The following SGCZ variants were observed in gnomAD, a reference collection of about 807,000 sequenced individuals.
The protein encoded by SGCZ is zeta-sarcoglycan.
In SGCZ, 40 loss-of-function variants were observed where a neutral mutation model predicts 41.3. That is an observed-to-expected ratio of 0.97 (90% CI 0.75 to 1.26). SGCZ has a LOEUF of 1.26. SGCZ is among the 50% of genes most tolerant of loss of function. SGCZ has a pLI of 0.00. For missense variants in SGCZ, 552 were observed against 369.8 expected, an observed-to-expected ratio of 1.49 and a Z score of -4.04; for synonymous variants, 206 against 137.5, an observed-to-expected ratio of 1.50 and a Z score of -3.49.
chr8:14,312,758 A>G (rs546818618), intron 3 of SGCZ, among the ~76,000 whole-genome samples: 9 of 152,284 alleles, frequency 5.9e-5, no homozygotes, highest in Non-Finnish European at 1.3e-4. Flanking sequence ...TAAAATTCCT[A>G]TCCACTGGAG....
At chr8:14,895,060 G>A (rs908947174) in intron 1 of SGCZ, among the ~76,000 whole-genome samples, 1 of 152,152 alleles carries the variant, frequency 6.6e-6, no homozygotes, top group Non-Finnish European at 1.5e-5. Flanking sequence ...GGAATAACAT[G>A]AATGATCTAT....
chr8:14,596,321 G>C (rs1219081992), intron 1 of SGCZ, among the ~76,000 whole-genome samples: 1 of 152,120 alleles, frequency 6.6e-6, no homozygotes, highest in Non-Finnish European at 1.5e-5. Flanking sequence ...TAATACCATA[G>C]ATGATGTCTC....
intron 1 of SGCZ, among the ~76,000 whole-genome samples, chr8:15,147,539 A>G (rs1395774783): frequency 6.6e-6 from 1 of 152,216 alleles, no homozygotes; most frequent in Non-Finnish European, 1.5e-5. Flanking sequence ...CGGCCCCACA[A>G]AGTGCTGGGA....
At chr8:14,403,895 A>G (rs754810380) in intron 2 of SGCZ, among the ~76,000 whole-genome samples, 7 of 152,200 alleles carry the variant, frequency 4.6e-5, no homozygotes, top group Non-Finnish European at 8.8e-5. Context: ...AATCAGTCAT[A>G]GACAAGAAAG....
chr8:14,234,520 A>T (rs1041859360), intron 4 of SGCZ, among the ~76,000 whole-genome samples: 1 of 152,094 alleles, frequency 6.6e-6, no homozygotes, highest in East Asian at 1.9e-4. Context: ...GATGCATTCT[A>T]TTGGTAGACA....
intron 2 of SGCZ, among the ~76,000 whole-genome samples, chr8:14,401,555 G>A (rs892903977): frequency 4.2e-4 from 63 of 149,402 alleles, no homozygotes; most frequent in African/African-American, 1.4e-3. Flanking sequence ...TTTTGTTCTT[G>A]CGATAGTTTA....
At chr8:14,732,994 G>A (rs1180402377) in intron 1 of SGCZ, among the ~76,000 whole-genome samples, 1 of 151,830 alleles carries the variant, frequency 6.6e-6, no homozygotes, top group Admixed American at 6.6e-5. Context: ...TTAACCTCGT[G>A]TTTCTGATGC....
chr8:14,946,004 CCATATATATA>C lies in SGCZ; in HGVS notation c.39+291571_39+291580del, dbSNP rs1419961668. On this transcript the variant is annotated intron_variant, in intron 1 of 7. Transcript: ENST00000382080. ...AAGCCAATTCCCCTACTAAATGTCC[CCATATATATA>C]TATATATATATATATATATATATAT... Among the ~76,000 whole-genome samples, 8 of 45,760 alleles carry C rather than the reference CCATATATATA, an allele frequency of 1.7e-4. 1 individual carries two copies. The highest frequency in any genetic ancestry group is 7.2e-4 in the Admixed American group (2 of 2,778). The allele number at this position is 45,760 out of a possible 152,430, so 30.0% of individuals were successfully genotyped here. A position where few individuals can be genotyped will look rare whatever the true frequency, so the allele number is the denominator to read the frequency against.
At chr8:14,745,345 G>A (rs898179259) in intron 1 of SGCZ, among the ~76,000 whole-genome samples, 1 of 152,094 alleles carries the variant, frequency 6.6e-6, no homozygotes, top group Non-Finnish European at 1.5e-5. Context: ...TAAGTCTTTT[G>A]GAAGCTAGAT....
intron 1 of SGCZ, among the ~76,000 whole-genome samples, chr8:15,011,015 A>C (rs1388116956): frequency 1.3e-5 from 2 of 152,130 alleles, no homozygotes; most frequent in African/African-American, 4.8e-5. Context: ...AATGAAGCTG[A>C]AAATAATTAA....
At chr8:14,655,592 T>G (rs895460198) in intron 1 of SGCZ, among the ~76,000 whole-genome samples, 2 of 152,092 alleles carry the variant, frequency 1.3e-5, no homozygotes, top group African/African-American at 4.8e-5. Flanking sequence ...CACCAGTAGT[T>G]GTAAGAAATA....
At chr8:14,276,271 C>T (rs997710759) in intron 3 of SGCZ, among the ~76,000 whole-genome samples, 1 of 152,170 alleles carries the variant, frequency 6.6e-6, no homozygotes, top group South Asian at 2.1e-4. Flanking sequence ...TGAGCCTCAA[C>T]TGAAACTGAT....
intron 4 of SGCZ, among the ~76,000 whole-genome samples, chr8:14,236,288 C>A (rs1235799276): frequency 6.6e-6 from 1 of 152,130 alleles, no homozygotes; most frequent in African/African-American, 2.4e-5. Flanking sequence ...ACTGCTATAT[C>A]TCTAATTATC....
intron 1 of SGCZ, among the ~76,000 whole-genome samples, chr8:15,113,018 G>A (rs1421483017): frequency 6.6e-6 from 1 of 152,052 alleles, no homozygotes; most frequent in East Asian, 1.9e-4. Flanking sequence ...AGACCAGCCT[G>A]GGCAACATGG....
At chr8:14,127,715 C>T (rs1032377551) in intron 5 of SGCZ, among the ~76,000 whole-genome samples, 3 of 152,190 alleles carry the variant, frequency 2.0e-5, no homozygotes, top group Non-Finnish European at 2.9e-5. Flanking sequence ...CTCAGCCTCC[C>T]AAAGTGCTGG....
chr8:15,039,622 A>G (rs1179689643), intron 1 of SGCZ, among the ~76,000 whole-genome samples: 1 of 152,244 alleles, frequency 6.6e-6, no homozygotes, highest in African/African-American at 2.4e-5. Context: ...GAATATTTCC[A>G]TATCTTATTA....
chr8:14,690,633 C>T (rs1055933141), intron 1 of SGCZ: 12 of 152,162 alleles, frequency 7.9e-5, no homozygotes, highest in Non-Finnish European at 1.5e-4. Context: ...TCTAGTCACA[C>T]ATTTAACCTA....
At chr8:14,126,241 G>A (rs564399225) in intron 5 of SGCZ, among the ~76,000 whole-genome samples, 15 of 152,310 alleles carry the variant, frequency 9.8e-5, no homozygotes, top group Admixed American at 2.6e-4. Context: ...TTTGACAAAT[G>A]TCTAACATCC....
At chr8:14,318,726 T>C (rs1801809174) in intron 3 of SGCZ, among the ~76,000 whole-genome samples, 1 of 152,040 alleles carries the variant, frequency 6.6e-6, no homozygotes, top group African/African-American at 2.4e-5. Flanking sequence ...AGTCACAGTC[T>C]GCCTTTCCCT....
Sources: allele counts gnomAD v4.1 joint callset (sites outside exome capture counted in the v4.1 genomes callset), GRCh38; gene constraint gnomAD v4.1.1; transcripts MANE v1.5; gene names NCBI Gene and HGNC (gene_info 2026-07-23, HGNC 2026-07-21).